TTC21B: variants seen among roughly 807,000 people sequenced by gnomAD.
TTC21B encodes the protein tetratricopeptide repeat domain 21B.
TTC21B carries 127 observed loss-of-function variants against 175.1 expected under a neutral mutation model. The ratio of observed to expected loss-of-function variants is 0.73; its 90% confidence interval spans 0.63 to 0.84. TTC21B has a LOEUF of 0.84. Ranked by LOEUF, TTC21B falls within the 40% of genes least tolerant of loss-of-function variation. TTC21B has a pLI of 0.00. For missense variants in TTC21B, 1,561 were observed against 1,558.3 expected (o/e 1.00, Z -0.03); for synonymous variants, 524 against 524.5 (o/e 1.00, Z 0.01).
intron 28 of TTC21B, among the ~76,000 whole-genome samples, chr2:165,875,272 GT>G (rs5836060): frequency 0.67 from 101,232 of 150,078 alleles, 34,045 homozygotes; most frequent in Admixed American, 0.76. Context: ...GGAGATGCTA[GT>G]TTTTTTTTTT....
At chr2:165,887,647 A>C (rs1462638652) in intron 25 of TTC21B, among the ~76,000 whole-genome samples, 5 of 152,172 alleles carry the variant, frequency 3.3e-5, no homozygotes, top group African/African-American at 1.2e-4. Context: ...AGATCGCGCC[A>C]TTGCACTCCA....
At chr2:165,950,704 A>T (rs1029076164) in intron 1 of TTC21B, among the ~76,000 whole-genome samples, 1 of 152,070 alleles carries the variant, frequency 6.6e-6, no homozygotes, top group Non-Finnish European at 1.5e-5. Context: ...TCTGCCCCCT[A>T]GGTTTAAGCG....
intron 15 of TTC21B, among the ~76,000 whole-genome samples, chr2:165,914,014 T>C (rs1003951298): frequency 2.0e-5 from 3 of 152,190 alleles, no homozygotes; most frequent in African/African-American, 7.2e-5. Flanking sequence ...ACTGTCCTCC[T>C]ATGCATCTTG....
intron 20 of TTC21B, 109 bp downstream of exon 20, chr2:165,901,604 TCAGCCACTG>T (rs1685560346): frequency 1.0e-6 from 1 of 979,660 alleles, no homozygotes; most frequent in South Asian, 1.4e-5. Flanking sequence ...ATTATAGGCA[TCAGCCACTG>T]CACCCTGCCT....
At chr2:165,953,151 G>A (rs1687811254) in intron 1 of TTC21B, among the ~76,000 whole-genome samples, 1 of 152,006 alleles carries the variant, frequency 6.6e-6, no homozygotes, top group Non-Finnish European at 1.5e-5. Context: ...GTCTTTAACT[G>A]TTTTATATCA....
At chr2:165,949,158 C>T in intron 3 of TTC21B, 2 of 511,312 alleles carry the variant, frequency 3.9e-6, no homozygotes, top group Non-Finnish European at 3.5e-6. Context: ...TAAAAAAATC[C>T]CTATGTACTA....
At chr2:165,940,196 T>C (rs1687314576) in intron 6 of TTC21B, among the ~76,000 whole-genome samples, 1 of 152,152 alleles carries the variant, frequency 6.6e-6, no homozygotes. Context: ...ACCACAACTA[T>C]ACTGGGCCTG....
At chr2:165,890,437 A>G in intron 24 of TTC21B, 42 bp downstream of exon 24, 3 of 1,594,682 alleles carry the variant, frequency 1.9e-6, no homozygotes, top group Non-Finnish European at 2.6e-6. Context: ...ATTATCTCCA[A>G]CAAGTGTTTT....
intron 23 of TTC21B, 88 bp downstream of exon 23, chr2:165,890,749 AT>A (rs988601422): frequency 6.9e-4 from 1,047 of 1,510,332 alleles, no homozygotes; most frequent in Middle Eastern, 1.0e-3. Context: ...TGAAATGTAC[AT>A]TTTTTTTTAC....
At chr2:165,887,502 C>CA (rs1386208189) in intron 25 of TTC21B, among the ~76,000 whole-genome samples, 1 of 152,010 alleles carries the variant, frequency 6.6e-6, no homozygotes, top group East Asian at 1.9e-4. Context: ...AGCCTGGCGA[C>CA]ATGGCAAAAC....
chr2:165,901,753 T>G lies in TTC21B; in HGVS notation c.2726A>C (p.Glu909Ala). Residue 909 changes from glutamate (E) to alanine (A), a missense_variant, in exon 20 of 29, where the codon GAG becomes GCG. Physicochemically the swap from Glu to Ala is moderately radical, Grantham distance 107. Transcript: ENST00000243344. ...ATCTGTTTCGCAGTGAACCAGAGCC[T>G]CTCTATAAAACTTAATTGCTTTTTC... ...DYEKAIKFYR[E>A]ALVHCETDNK... 1 of 1,614,138 alleles carries G rather than the reference T, an allele frequency of 6.2e-7. No homozygotes were observed. Among genetic ancestry groups the G allele is most frequent in the Admixed American group, 1.7e-5 (1 of 60,018 alleles).
Position 165,874,513 on chromosome 2 carries a change from A to G in TTC21B, c.*242T>C. ...TAGAAATAATTATAGTCTTTACCAC[A>G]GAGTCACCAAATCTGTACCCAATCA... On this transcript the variant is annotated 3_prime_UTR_variant, in exon 29 of 29. Transcript: ENST00000243344. 4.5e-6 allele frequency: 2 copies of G among 441,320 alleles called. No individual in the cohort carries two copies. The highest frequency in any genetic ancestry group is 8.0e-5 in the East Asian group (2 of 25,040). 27.3% of individuals were successfully genotyped at this position (441,320 alleles called of 1,614,324 possible). A position where few individuals can be genotyped will look rare whatever the true frequency, so the allele number is the denominator to read the frequency against.
At chr2:165,900,882 T>C (rs190454725) in intron 20 of TTC21B, among the ~76,000 whole-genome samples, 3 of 151,858 alleles carry the variant, frequency 2.0e-5, no homozygotes, top group East Asian at 3.9e-4. Flanking sequence ...TTTTAAATAA[T>C]TGTAATGTTC....
At chr2:165,913,160 T>G (rs1255909096) in intron 16 of TTC21B, among the ~76,000 whole-genome samples, 5 of 152,114 alleles carry the variant, frequency 3.3e-5, no homozygotes, top group African/African-American at 1.2e-4. Flanking sequence ...TGCCTCAGCC[T>G]TCCCAATAGC....
At chr2:165,946,331 C>G (rs998008583) in intron 3 of TTC21B, among the ~76,000 whole-genome samples, 1 of 151,062 alleles carries the variant, frequency 6.6e-6, no homozygotes, top group Non-Finnish European at 1.5e-5. Context: ...AGAGCAAGAC[C>G]CCGACTCAAA....
At position 165,901,863 on chromosome 2, in the gene TTC21B, C is replaced by T. The variant is rs369442093; in HGVS notation, c.2616G>A (p.Gln872=). The change falls in exon 20 of 29, where the codon CAG becomes CAA. Residue 872 remains glutamine (Q), a synonymous_variant. Transcript: ENST00000243344. ...ARVLKRVQME[Q]PDAVPAQKHL... is the part of the protein sequence containing the mutation. ...GTTTCTGTGCAGGAACTGCATCTGG[C>T]TGTTCCATCTGAACACGTTTTAGTA... 55 of 1,613,750 alleles carry T rather than the reference C, an allele frequency of 3.4e-5. No individual in the cohort carries two copies. The highest frequency in any genetic ancestry group is 4.6e-5 in the Non-Finnish European group (54 of 1,180,002).
At position 165,883,385 on chromosome 2, in the gene TTC21B, T is replaced by G. The variant is rs202152714; in HGVS notation, c.3684+409A>C. On this transcript the variant is annotated intron_variant, in intron 26 of 28. Coordinates refer to ENST00000243344, the MANE Select transcript of TTC21B (RefSeq NM_024753.5). ...CACAAAATATATTATGCATAATAGA[T>G]TCTAATAATGAGAAAATGACATGCA... Among the ~76,000 whole-genome samples the G allele has an allele frequency of 5.3e-5, 8 of 152,322 alleles. No homozygotes were observed. The East Asian group carries it at 9.6e-4, about 18-fold the overall frequency.
At chr2:165,893,128 T>C (rs564412565) in intron 22 of TTC21B, among the ~76,000 whole-genome samples, 2 of 152,308 alleles carry the variant, frequency 1.3e-5, no homozygotes, top group East Asian at 3.9e-4. Context: ...TCAATCAAAT[T>C]ACTCAAATTC....
chr2:165,898,201 A>T (rs1685435826), intron 22 of TTC21B, among the ~76,000 whole-genome samples: 1 of 152,016 alleles, frequency 6.6e-6, no homozygotes, highest in Non-Finnish European at 1.5e-5. Flanking sequence ...AAGAGAGAGA[A>T]CTGTAAGAGT....
Sources: gnomAD v4.1 joint callset for allele counts (sites outside exome capture counted in the v4.1 genomes callset) on GRCh38, gnomAD v4.1.1 for gene constraint, MANE v1.5 for transcripts, NCBI Gene and HGNC (gene_info 2026-07-23, HGNC 2026-07-21) for gene names.